Variants in KIZ observed in about 807,000 individuals in gnomAD.
KIZ encodes the protein kizuna centrosomal protein, also known as centrosomal protein kizuna.
Under a neutral mutation model 79.6 loss-of-function variants are expected in KIZ, and 68 were observed. That is an observed-to-expected ratio of 0.85 (90% CI 0.70 to 1.05). The LOEUF (loss-of-function observed/expected upper bound fraction) is 1.05, where lower values mean the gene tolerates loss of function less well. Ranked by LOEUF, KIZ falls within the 50% of genes least tolerant of loss-of-function variation. KIZ has a pLI of 0.00. For synonymous variants in KIZ, 280 were observed against 281.8 expected, an observed-to-expected ratio of 0.99 and a Z score of 0.06; for missense variants, 797 against 800.4, an observed-to-expected ratio of 1.00 and a Z score of 0.05.
intron 2 of KIZ, among the ~76,000 whole-genome samples, chr20:21,132,786 G>A (rs1294277217): frequency 1.3e-5 from 2 of 152,074 alleles, no homozygotes; most frequent in Non-Finnish European, 2.9e-5. Context: ...CTTTTTGGTT[G>A]CAATTTAAAC....
intron 6 of KIZ, among the ~76,000 whole-genome samples, chr20:21,172,773 C>T (rs1045972601): frequency 6.6e-6 from 1 of 152,184 alleles, no homozygotes; most frequent in Non-Finnish European, 1.5e-5. Flanking sequence ...CCCATGCCTT[C>T]TCTATCCACT....
intron 6 of KIZ, among the ~76,000 whole-genome samples, chr20:21,191,376 A>T (rs2035098604): frequency 6.6e-6 from 1 of 152,212 alleles, no homozygotes; most frequent in South Asian, 2.1e-4. Flanking sequence ...TTATAAATAA[A>T]TATTGCCCTT....
At chr20:21,157,475 C>A (rs143723711) in intron 4 of KIZ, among the ~76,000 whole-genome samples, 197 of 152,242 alleles carry the variant, frequency 1.3e-3, no homozygotes, top group Non-Finnish European at 2.2e-3. Context: ...GTAAATACTC[C>A]TCTTTTTGGG....
intron 6 of KIZ, among the ~76,000 whole-genome samples, chr20:21,192,499 G>A (rs1423855399): frequency 1.3e-5 from 2 of 151,854 alleles, no homozygotes; most frequent in Non-Finnish European, 2.9e-5. Context: ...TTCTGGATGT[G>A]ATCAACTACA....
rs2123455289 is a variant in KIZ at position 21,233,547 on chromosome 20, A to G, written c.1880+717A>G. Reference sequence around the variant, plus strand: ...TGAGCTAAATATTGTTTAAAATGGCATAGCAACTTTCCTTTTGGAACAGCA... The same window carrying G: ...TGAGCTAAATATTGTTTAAAATGGCGTAGCAACTTTCCTTTTGGAACAGCA... On this transcript the variant is annotated intron_variant, in intron 11 of 12. Transcript: ENST00000619189. Among the ~76,000 whole-genome samples, 2 of 152,356 alleles carry G rather than the reference A, an allele frequency of 1.3e-5. 1 individual carries two copies. The highest frequency in any genetic ancestry group is 3.9e-4 in the East Asian group (2 of 5,190).
rs2122686394 is a variant in KIZ at position 21,162,015 on chromosome 20, A to G, written c.550A>G (p.Lys184Glu). The change falls in exon 5 of 13, where the codon AAG becomes GAG. Residue 184 changes from lysine (K) to glutamate (E), a missense_variant. Lys to Glu is a moderately conservative substitution (Grantham distance 56, BLOSUM62 1). Transcript: ENST00000619189. ...AGAGCACAAATCTCCCCAGCCCACA[A>G]AGAACTTTTCAATTCCTGACCCACA... ...STEHKSPQPT[K>E]NFSIPDPHSH... is the part of the protein sequence containing the mutation. 6.2e-7 allele frequency: 1 copy of G among 1,613,970 alleles called. No homozygotes were observed. The highest frequency in any genetic ancestry group is 8.5e-7 in the Non-Finnish European group (1 of 1,179,852).
chr20:21,151,207 C>T (rs1458365509), intron 4 of KIZ: 1 of 152,182 alleles, frequency 6.6e-6, no homozygotes, highest in African/African-American at 2.4e-5. Context: ...ATAAATACAT[C>T]AGTCTGCTTT....
chr20:21,233,356 C>T (rs1286718611), intron 11 of KIZ, among the ~76,000 whole-genome samples: 1 of 152,066 alleles, frequency 6.6e-6, no homozygotes, highest in Admixed American at 6.6e-5. Flanking sequence ...TCACATTTGT[C>T]AAACTGTAGC....
intron 3 of KIZ, among the ~76,000 whole-genome samples, chr20:21,140,137 T>G (rs1378428717): frequency 6.6e-6 from 1 of 152,202 alleles, no homozygotes; most frequent in Non-Finnish European, 1.5e-5. Flanking sequence ...TCTTTCTGCT[T>G]CTTCCTTTTG....
At chr20:21,200,494 T>G (rs2035549292) in intron 6 of KIZ, among the ~76,000 whole-genome samples, 2 of 151,906 alleles carry the variant, frequency 1.3e-5, no homozygotes. Flanking sequence ...CTTGTTTTCC[T>G]GCAACTAGAT....
intron 6 of KIZ, chr20:21,166,493 A>C (rs1600431141): frequency 6.4e-7 from 1 of 1,568,408 alleles, no homozygotes; most frequent in East Asian, 2.2e-5. Context: ...GAGAAACCGG[A>C]CGATGACTTT....
chr20:21,152,999 C>T (rs1404002435), intron 4 of KIZ, among the ~76,000 whole-genome samples: 2 of 152,156 alleles, frequency 1.3e-5, no homozygotes, highest in Non-Finnish European at 2.9e-5. Flanking sequence ...TTGAGTTTGA[C>T]TGACTCAGTT....
intron 3 of KIZ, among the ~76,000 whole-genome samples, chr20:21,141,538 A>G (rs894827922): frequency 6.6e-6 from 1 of 152,140 alleles, no homozygotes; most frequent in African/African-American, 2.4e-5. Context: ...CCCAGATTCC[A>G]GAAGTTAGGA....
At chr20:21,172,567 C>G (rs1003292938) in intron 6 of KIZ, among the ~76,000 whole-genome samples, 2 of 151,778 alleles carry the variant, frequency 1.3e-5, no homozygotes, top group Non-Finnish European at 2.9e-5. Flanking sequence ...CCACTGCACT[C>G]CAGCCTGGGT....
At chr20:21,169,003 C>A (rs569891178) in intron 6 of KIZ, among the ~76,000 whole-genome samples, 228 of 152,194 alleles carry the variant, frequency 1.5e-3, no homozygotes, top group Non-Finnish European at 2.1e-3. Context: ...TAGGCAATAC[C>A]ATTCAGGCCA....
chr20:21,126,031 C>A (rs1209571655), upstream of KIZ: 2 of 1,360,686 alleles, frequency 1.5e-6, no homozygotes, highest in Non-Finnish European at 1.9e-6. Context: ...TGTTTACCCG[C>A]GGTGCATGGT....
chr20:21,171,659 A>G (rs895091608), intron 6 of KIZ, among the ~76,000 whole-genome samples: 1 of 152,154 alleles, frequency 6.6e-6, no homozygotes, highest in Non-Finnish European at 1.5e-5. Flanking sequence ...TGGCCAGGCC[A>G]GTCTCAGAGT....
intron 3 of KIZ, among the ~76,000 whole-genome samples, chr20:21,141,923 C>G (rs948012796): frequency 6.6e-6 from 1 of 151,144 alleles, no homozygotes; most frequent in Non-Finnish European, 1.5e-5. Flanking sequence ...TTCCCCCCTC[C>G]ACCTTCTCCT....
chr20:21,212,202 T>C (rs2036097482), intron 7 of KIZ, among the ~76,000 whole-genome samples: 1 of 152,256 alleles, frequency 6.6e-6, no homozygotes, highest in Non-Finnish European at 1.5e-5. Flanking sequence ...TCTGTGGAAT[T>C]ATCTTAAAAG....
Sources: allele counts gnomAD v4.1 joint callset (sites outside exome capture counted in the v4.1 genomes callset), GRCh38; gene constraint gnomAD v4.1.1; transcripts MANE v1.5; gene names NCBI Gene and HGNC (gene_info 2026-07-23, HGNC 2026-07-21).